Variants in PDE1A observed in about 807,000 individuals in gnomAD.
PDE1A encodes the protein phosphodiesterase 1A.
A neutral mutation model predicts 61.7 loss-of-function variants in PDE1A; 35 were observed. The observed-to-expected ratio is 0.57, with a 90% CI of 0.43 to 0.75. PDE1A has a LOEUF of 0.75. Ranked by LOEUF, PDE1A falls within the 30% of genes least tolerant of loss-of-function variation. The probability of loss-of-function intolerance (pLI) is 0.00; values close to 1 mark genes in which losing one functional copy is unlikely to be tolerated. For missense variants in PDE1A, 597 were observed against 630.6 expected, an observed-to-expected ratio of 0.95 and a Z score of 0.57; for synonymous variants, 232 against 213.2, an observed-to-expected ratio of 1.09 and a Z score of -0.77.
chr2:182,696,683 A>T, the PDE1A span, among the ~76,000 whole-genome samples: 7 of 152,092 alleles, frequency 4.6e-5, no homozygotes, highest in Admixed American at 3.3e-4. Context: ...CTGGGAGGGG[A>T]TGTTGACAAT....
At chr2:182,613,152 C>G in the PDE1A span, among the ~76,000 whole-genome samples, 1 of 152,154 alleles carries the variant, frequency 6.6e-6, no homozygotes, top group Non-Finnish European at 1.5e-5. Context: ...AAATACCATG[C>G]ATGACACTAT....
intron 10 of PDE1A, among the ~76,000 whole-genome samples, chr2:182,192,592 G>A (rs1431404787): frequency 2.6e-5 from 4 of 152,050 alleles, no homozygotes; most frequent in Admixed American, 1.3e-4. Flanking sequence ...AGAGGTCATC[G>A]CAATAAGCAT....
intron 10 of PDE1A, among the ~76,000 whole-genome samples, chr2:182,190,140 T>G (rs931641478): frequency 6.6e-6 from 1 of 152,228 alleles, no homozygotes; most frequent in Non-Finnish European, 1.5e-5. Context: ...CCCTAAACCA[T>G]GCCTTTGATT....
chr2:182,172,183 A>G (rs540698735), intron 13 of PDE1A, among the ~76,000 whole-genome samples: 1 of 152,134 alleles, frequency 6.6e-6, no homozygotes, highest in Non-Finnish European at 1.5e-5. Context: ...TATTTCATTT[A>G]TGTGGACTCA....
At chr2:182,604,038 T>G in the PDE1A span, among the ~76,000 whole-genome samples, 1 of 151,980 alleles carries the variant, frequency 6.6e-6, no homozygotes, top group African/African-American at 2.4e-5. Flanking sequence ...AAAAAAAAAT[T>G]CATACACTTT....
chr2:182,451,248 G>A lies in PDE1A; in HGVS notation c.101+71028C>T, dbSNP rs868650575. 3.0e-5 allele frequency among the ~76,000 whole-genome samples: 2 copies of A among 67,172 alleles called. 1 individual carries two copies. The highest frequency in any genetic ancestry group is 5.8e-5 in the Non-Finnish European group (2 of 34,388). 44.1% of individuals were successfully genotyped at this position (67,172 alleles called of 152,430 possible). A position where few individuals can be genotyped will look rare whatever the true frequency, so the allele number is the denominator to read the frequency against. ...AAAAAAATTAGCCGGGCGTAGTGGC[G>A]GGCGCCTGTAGTCCCAGCTACTTGG... On this transcript the variant is annotated intron_variant, in intron 2 of 14. Transcript: ENST00000410103.
At chr2:182,479,004 C>A (rs78604034) in intron 2 of PDE1A, among the ~76,000 whole-genome samples, 24,561 of 151,774 alleles carry the variant, frequency 0.16, 2,445 homozygotes, top group Middle Eastern at 0.32. Context: ...TATATACCAT[C>A]TTGCTTCAAA....
intron 3 of PDE1A, among the ~76,000 whole-genome samples, chr2:182,239,687 T>G (rs144852003): frequency 8.2e-4 from 84 of 102,160 alleles, no homozygotes; most frequent in South Asian, 3.1e-3. Context: ...CAAATGGTCT[T>G]CTGTCTTTAG....
At chr2:182,313,046 A>AT (rs1696095171) in intron 1 of PDE1A, among the ~76,000 whole-genome samples, 1 of 152,218 alleles carries the variant, frequency 6.6e-6, no homozygotes, top group South Asian at 2.1e-4. Flanking sequence ...AATTTTCAGA[A>AT]TATCTGTTGC....
At chr2:182,390,660 A>G (rs1441190249) in intron 1 of PDE1A, among the ~76,000 whole-genome samples, 1 of 152,194 alleles carries the variant, frequency 6.6e-6, no homozygotes, top group Non-Finnish European at 1.5e-5. Context: ...TTATCGTGTG[A>G]GTGGCTGAGC....
chr2:182,523,589 C>T (rs1030020561), upstream of PDE1A, among the ~76,000 whole-genome samples: 1 of 152,140 alleles, frequency 6.6e-6, no homozygotes, highest in Non-Finnish European at 1.5e-5. Flanking sequence ...AGAAAACTTG[C>T]CTGTTACTAT....
At chr2:182,579,630 G>T in the PDE1A span, among the ~76,000 whole-genome samples, 1 of 152,040 alleles carries the variant, frequency 6.6e-6, no homozygotes, top group Non-Finnish European at 1.5e-5. Flanking sequence ...GACTGTCATT[G>T]TTGGCATAAG....
At chr2:182,441,069 G>T (rs1183005012) in intron 2 of PDE1A, among the ~76,000 whole-genome samples, 1 of 152,094 alleles carries the variant, frequency 6.6e-6, no homozygotes, top group South Asian at 2.1e-4. Context: ...CTCATAATCA[G>T]GACAGAAGAC....
intron 1 of PDE1A, among the ~76,000 whole-genome samples, chr2:182,333,459 A>G (rs946926866): frequency 3.9e-5 from 6 of 152,234 alleles, no homozygotes; most frequent in Admixed American, 6.5e-5. Context: ...TGGAAACTGA[A>G]CAACCTACTC....
At chr2:182,460,038 A>T (rs1686175881) in intron 2 of PDE1A, among the ~76,000 whole-genome samples, 3 of 151,364 alleles carry the variant, frequency 2.0e-5, no homozygotes, top group African/African-American at 7.3e-5. Flanking sequence ...CTTCTTCCTC[A>T]CTCCTGTTAT....
At chr2:182,473,994 GTA>G (rs753665362) in intron 2 of PDE1A, among the ~76,000 whole-genome samples, 14 of 151,938 alleles carry the variant, frequency 9.2e-5, no homozygotes, top group Non-Finnish European at 1.3e-4. Context: ...ATTCCTTTGG[GTA>G]TATACCCAGT....
chr2:182,667,771 C>T, the PDE1A span, among the ~76,000 whole-genome samples: 10 of 150,536 alleles, frequency 6.6e-5, no homozygotes, highest in East Asian at 5.8e-4. Flanking sequence ...AAAGACAGAA[C>T]AATGTCAATG....
At chr2:182,686,395 T>A in the PDE1A span, among the ~76,000 whole-genome samples, 3 of 152,240 alleles carry the variant, frequency 2.0e-5, no homozygotes, top group Non-Finnish European at 2.9e-5. Flanking sequence ...GATATGTATA[T>A]CTATTCATGT....
the PDE1A span, among the ~76,000 whole-genome samples, chr2:182,528,990 C>G: frequency 1.3e-5 from 2 of 152,232 alleles, no homozygotes; most frequent in Non-Finnish European, 2.9e-5. Context: ...AGAACCTCTG[C>G]TTGGGCAGTA....
Sources: allele counts gnomAD v4.1 joint callset (sites outside exome capture counted in the v4.1 genomes callset), GRCh38; gene constraint gnomAD v4.1.1; transcripts MANE v1.5; gene names NCBI Gene and HGNC (gene_info 2026-07-23, HGNC 2026-07-21).